Variants in MAPK7 observed in about 807,000 individuals in gnomAD.
The protein encoded by MAPK7 is BMK-1.
In MAPK7, 30 loss-of-function variants were observed where a neutral mutation model predicts 56.9. The observed-to-expected ratio is 0.53, with a 90% CI of 0.39 to 0.72. MAPK7 has a LOEUF of 0.72. MAPK7 is among the 30% of genes least tolerant of loss of function. MAPK7 has a pLI of 0.00. For synonymous variants in MAPK7, 516 were observed against 449.3 expected (o/e 1.15, Z -1.88); for missense variants, 952 against 1,110.8 (o/e 0.86, Z 2.03).
In MAPK7 at chr17:19,379,133, G is replaced by T. The variant is rs764239408; in HGVS notation, c.232+1G>T. The T allele has an allele frequency of 6.2e-7, 1 of 1,611,876 alleles. No individual in the cohort carries two copies. Among genetic ancestry groups the T allele is most frequent in the Admixed American group, 1.7e-5 (1 of 59,904 alleles). On this transcript the variant is annotated splice_donor_variant, in intron 2 of 6. Transcript: ENST00000395604. LOFTEE classifies it high-confidence loss of function. ...TCCTCCGCCCGCCGCCGCCTCACCG[G>T]TGAGCTTCCTGAGCCGTCGCCTCCC...
At chr17:19,378,302 A>T (rs1912273416), upstream of MAPK7, 1 of 987,352 alleles carries the variant, frequency 1.0e-6, no homozygotes, top group Non-Finnish European at 1.2e-6. This position sits in a 1 kb window ranked among gnomAD's most constrained non-coding sequence, Gnocchi z 5.4. Context: ...CACCCCTGCG[A>T]AGTGCCGGGC....
rs146447093 is a variant in MAPK7, at chr17:19,379,831, C to T, written c.282C>T (p.Thr94=). 1.1e-4 allele frequency: 170 copies of T among 1,614,090 alleles called. 1 individual carries two copies. The highest frequency in any genetic ancestry group is 1.3e-4 in the Non-Finnish European group (149 of 1,180,046). The change falls in exon 3 of 7, where the codon ACC becomes ACT. Residue 94 remains threonine, a synonymous_variant. Coordinates refer to ENST00000395604, the MANE Select transcript of MAPK7 (RefSeq NM_002749.4). The part of the protein sequence containing the change: ...KKIPNAFDVV[T]NAKRTLRELK... ...TCCCTAATGCTTTCGATGTGGTGAC[C>T]AATGCCAAGCGGACCCTCAGGGAGC... is the stretch of plus-strand genomic sequence containing the variant.
In MAPK7 at chr17:19,379,063, T is replaced by C; in HGVS notation, c.163T>C (p.Tyr55His). Residue 55 changes from tyrosine to histidine, a missense_variant, in exon 2 of 7, where the codon TAC becomes CAC. Around this residue, in one of 5 missense-constraint regions of MAPK7, gnomAD observed 213 missense variants for 243.2 expected, o/e 0.88. Coordinates refer to ENST00000395604, the MANE Select transcript of MAPK7 (RefSeq NM_002749.4). The stretch of plus-strand genomic sequence containing the variant: ...TGTGACCTTTGACGTGGGCGACGAG[T>C]ACGAGATCATCGAGACCATAGGCAA... Reference protein sequence around the residue: ...FDVTFDVGDEYEIIETIGNGA... With the variant: ...FDVTFDVGDEHEIIETIGNGA... 4 of 1,613,952 alleles carry C rather than the reference T, an allele frequency of 2.5e-6. No homozygotes were observed. The highest frequency in any genetic ancestry group is 3.4e-6 in the Non-Finnish European group (4 of 1,179,964).
At chr17:19,380,098 C>G (rs1567919147) in intron 3 of MAPK7, 151 bp downstream of exon 3, 3 of 785,370 alleles carry the variant, frequency 3.8e-6, no homozygotes, top group Middle Eastern at 3.7e-4. Flanking sequence ...AGAGTTTTGC[C>G]AGGGACAACT....
In MAPK7 at chr17:19,379,437, A is replaced by G. The variant is rs1912438943; in HGVS notation, c.232+305A>G. On this transcript the variant is annotated intron_variant, in intron 2 of 6. Coordinates refer to ENST00000395604, the MANE Select transcript of MAPK7 (RefSeq NM_002749.4). ...ATGTGTTCTGGAGCCAGACACTGGC[A>G]TAAGGAACTGGTGGTGGGATGGGTG... 7.2e-6 allele frequency: 4 copies of G among 558,666 alleles called. No individual in the cohort carries two copies. In the Admixed American group the frequency reaches 1.3e-4, roughly 18 times the overall value. 34.6% of individuals were successfully genotyped at this position (558,666 alleles called of 1,614,324 possible).
chr17:19,378,503 A>C lies in MAPK7; in HGVS notation c.-133A>C, dbSNP rs947933192. Reference sequence around the variant, plus strand: ...CGGGGCGGAGGGGGACGGACAGGGCAGCTCAAGACGCTGAGGTGGTGGCTG... The same window carrying C: ...CGGGGCGGAGGGGGACGGACAGGGCCGCTCAAGACGCTGAGGTGGTGGCTG... On this transcript the variant is annotated 5_prime_UTR_variant, in exon 1 of 7. Coordinates refer to ENST00000395604, the MANE Select transcript of MAPK7 (RefSeq NM_002749.4). This position sits in a 1 kb window ranked among gnomAD's most constrained non-coding sequence, Gnocchi z 5.4. 5 of 1,079,514 alleles carry C rather than the reference A, an allele frequency of 4.6e-6. No individual in the cohort carries two copies. Among genetic ancestry groups the C allele is most frequent in the South Asian group, 5.5e-5 (2 of 36,094 alleles). The allele number at this position is 1,079,514 out of a possible 1,614,324, so 66.9% of individuals were successfully genotyped here.
In MAPK7 at chr17:19,380,729, C is replaced by A; in HGVS notation, c.520C>A (p.His174Asn). The A allele has an allele frequency of 1.2e-6, 2 of 1,614,180 alleles. No homozygotes were observed. The highest frequency in any genetic ancestry group is 1.7e-6 in the Non-Finnish European group (2 of 1,180,022). The part of the protein sequence containing the change: ...YQLLRGLKYM[H>N]SAQVIHRDLK... ...ACTGCTGCGGGGCCTGAAGTACATG[C>A]ACTCGGCTCAGGTCATCCACCGTGA... is the stretch of plus-strand genomic sequence containing the variant. Residue 174 changes from histidine (H) to asparagine (N), a missense_variant, in exon 4 of 7, where the codon CAC becomes AAC. By Grantham distance (68) the His-to-Asn change is moderately conservative. Around this residue, in one of 5 missense-constraint regions of MAPK7, gnomAD observed 213 missense variants for 243.2 expected, o/e 0.88. Transcript: ENST00000395604.
intron 3 of MAPK7, chr17:19,380,273 G>T (rs1365394273): frequency 4.1e-6 from 2 of 492,900 alleles, no homozygotes; most frequent in African/African-American, 3.9e-5. Flanking sequence ...GACAAGCCTG[G>T]TCAATTTTCA....
rs747229896 is a variant in MAPK7 at position 19,383,169 on chromosome 17, C to T, written c.2389C>T (p.Arg797Cys). Residue 797 changes from arginine (R) to cysteine (C), a missense_variant, in exon 7 of 7, where the codon CGT becomes TGT. Arg to Cys is a radical substitution (Grantham distance 180, BLOSUM62 -3). Around this residue, in one of 5 missense-constraint regions of MAPK7, gnomAD observed 73 missense variants for 104.6 expected, o/e 0.70. Coordinates refer to ENST00000395604, the MANE Select transcript of MAPK7 (RefSeq NM_002749.4). ...MNPADIESLQ[R>C]EIQMDSPMLL... ...CCCTGCCGATATTGAGTCCCTGCAG[C>T]GTGAGATCCAGATGGACTCCCCAAT... The T allele has an allele frequency of 2.7e-5, 44 of 1,614,030 alleles. No individual in the cohort carries two copies. The highest frequency in any genetic ancestry group is 3.3e-4 in the Middle Eastern group (2 of 6,084).
intron 2 of MAPK7, 86 bp from the exon 3 acceptor site, chr17:19,379,696 T>A: frequency 7.9e-7 from 1 of 1,269,018 alleles, no homozygotes; most frequent in Non-Finnish European, 1.1e-6. Context: ...ATTTGCATCC[T>A]AGAAGGGAGG....
intron 3 of MAPK7, 128 bp downstream of exon 3, chr17:19,380,075 G>A: frequency 9.8e-7 from 1 of 1,025,020 alleles, no homozygotes; most frequent in Non-Finnish European, 1.4e-6. Context: ...CGCAGTTCTA[G>A]GACCAGTTCT....
At position 19,383,422 on chromosome 17, in the gene MAPK7, C is replaced by T; in HGVS notation, c.*191C>T. On this transcript the variant is annotated 3_prime_UTR_variant, in exon 7 of 7. Coordinates refer to ENST00000395604, the MANE Select transcript of MAPK7 (RefSeq NM_002749.4). ...ACCGAGCCATGGCAGGATCGGGAGA[C>T]CCCAACTCCCCCTGAACAATCCTTT... is the stretch of plus-strand genomic sequence containing the variant. 1.9e-6 allele frequency: 1 copy of T among 531,526 alleles called. No homozygotes were observed. Among genetic ancestry groups the T allele is most frequent in the Non-Finnish European group, 3.3e-6 (1 of 302,010 alleles). 32.9% of individuals were successfully genotyped at this position (531,526 alleles called of 1,614,324 possible).
Position 19,379,911 on chromosome 17 carries a change from T to C in MAPK7, c.362T>C (p.Leu121Pro). Residue 121 changes from leucine (L) to proline (P), a missense_variant, in exon 3 of 7, where the codon CTG becomes CCG. By Grantham distance (98) the Leu-to-Pro change is moderately conservative. Coordinates refer to ENST00000395604, the MANE Select transcript of MAPK7 (RefSeq NM_002749.4). ...AACATCATCGCCATCAAGGACATCC[T>C]GAGGCCCACCGTGCCCTATGGCGAA... ...HDNIIAIKDILRPTVPYGEFK... is the reference protein window; with the variant it reads ...HDNIIAIKDIPRPTVPYGEFK... 2 of 1,614,202 alleles carry C rather than the reference T, an allele frequency of 1.2e-6. No homozygotes were observed. Among genetic ancestry groups the C allele is most frequent in the African/African-American group, 1.3e-5 (1 of 75,052 alleles).
chr17:19,379,821 A>T lies in MAPK7; in HGVS notation c.272A>T (p.Asp91Val). 1 of 1,614,182 alleles carries T rather than the reference A, an allele frequency of 6.2e-7. No individual in the cohort carries two copies. The highest frequency in any genetic ancestry group is 8.5e-7 in the Non-Finnish European group (1 of 1,180,030). The change falls in exon 3 of 7, where the codon GAT becomes GTT. Residue 91 changes from aspartate to valine, a missense_variant. Transcript: ENST00000395604. The stretch of plus-strand genomic sequence containing the variant: ...ATCAAGAAGATCCCTAATGCTTTCG[A>T]TGTGGTGACCAATGCCAAGCGGACC... ...VAIKKIPNAFDVVTNAKRTLR... is the reference protein window; with the variant it reads ...VAIKKIPNAFVVVTNAKRTLR...
At chr17:19,380,159 G>C (rs540472687) in intron 3 of MAPK7, 5 of 601,006 alleles carry the variant, frequency 8.3e-6, no homozygotes, top group African/African-American at 7.4e-5. Context: ...TAGAATCTTA[G>C]TATATAGGAT....
Position 19,378,989 on chromosome 17 carries a change from C to T in MAPK7, c.89C>T (p.Ala30Val). ...AAGGCCGAACCCGCCCACACCGCTG[C>T]CTCTGTAGCGGCCAAGAACCTGGCC... ...PVKAEPAHTA[A>V]SVAAKNLALL... Residue 30 changes from alanine to valine, a missense_variant, in exon 2 of 7, where the codon GCC (alanine) becomes GTC (valine). Coordinates refer to ENST00000395604, the MANE Select transcript of MAPK7 (RefSeq NM_002749.4). The surrounding 1 kb of genome is among the most constrained non-coding windows in gnomAD (Gnocchi z 5.4). 2 of 1,611,750 alleles carry T rather than the reference C, an allele frequency of 1.2e-6. No homozygotes were observed. The highest frequency in any genetic ancestry group is 1.1e-5 in the South Asian group (1 of 90,524).
In MAPK7 at chr17:19,382,064, G is replaced by C; in HGVS notation, c.1761G>C (p.Pro587=). Residue 587 remains proline (P), a synonymous_variant, in exon 5 of 7, where the codon CCG becomes CCC. Transcript: ENST00000395604. ...RPAAPALTSV[P]APAPAPTPTP... is the part of the protein sequence containing the mutation. ...CAGCCCCAGCCCTCACCTCTGTGCC[G>C]GCCCCTGCCCCAGCGCCAACGCCAA... is the stretch of plus-strand genomic sequence containing the variant. The C allele has an allele frequency of 6.3e-7, 1 of 1,590,560 alleles. No homozygotes were observed.
Position 19,382,222 on chromosome 17 carries a change from C to T in MAPK7, c.1919C>T (p.Pro640Leu). Reference sequence around the variant, plus strand: ...GCCTGCCCACCCCCTGGCCCTGCACCCCACCCCACTGGCCCTCCTGGGCCC... The same window carrying T: ...GCCTGCCCACCCCCTGGCCCTGCACTCCACCCCACTGGCCCTCCTGGGCCC... ...QPACPPPGPA[P>L]HPTGPPGPIP... The change falls in exon 5 of 7, where the codon CCC (proline) becomes CTC (leucine). Residue 640 changes from proline (P) to leucine (L), a missense_variant. Pro to Leu is a moderately conservative substitution (Grantham distance 98, BLOSUM62 -3). This residue lies in a region of MAPK7 where 234 missense variants were observed against 210.4 expected (regional missense o/e 1.11). Transcript: ENST00000395604. 6.2e-7 allele frequency: 1 copy of T among 1,611,722 alleles called. No individual in the cohort carries two copies. Among genetic ancestry groups the T allele is most frequent in the South Asian group, 1.1e-5 (1 of 91,022 alleles).
At chr17:19,377,963 C>T (rs1912237089), upstream of MAPK7, 1 of 985,254 alleles carries the variant, frequency 1.0e-6, no homozygotes, top group Non-Finnish European at 1.2e-6. Context: ...CTCTAGAATC[C>T]CGGAGGACCG....
Sources: allele counts gnomAD v4.1 joint callset, GRCh38; gene constraint gnomAD v4.1.1; regional missense constraint gnomAD v4.1.1; non-coding constraint Gnocchi (gnomAD v3.1); transcripts MANE v1.5; gene names NCBI Gene and HGNC (gene_info 2026-07-23, HGNC 2026-07-21).